TEX11: variants seen among roughly 807,000 people sequenced by gnomAD.
The protein encoded by TEX11 is testis expressed 11.
TEX11 carries 7 observed loss-of-function variants against 84.4 expected under a neutral mutation model. That is an observed-to-expected ratio of 0.08 (90% CI 0.05 to 0.16). TEX11 has a LOEUF of 0.16. TEX11 is among the 10% of genes least tolerant of loss of function. The pLI is 1.00. For missense variants in TEX11, 551 were observed against 660.5 expected, an observed-to-expected ratio of 0.83 and a Z score of 1.82; for synonymous variants, 264 against 222.8, an observed-to-expected ratio of 1.18 and a Z score of -1.64.
chrX:70,755,957 C>T lies in TEX11; in HGVS notation c.693-11738G>A, dbSNP rs1409649769. ...AGGAAGTTCCCTCCCGTGCTTGGCT[C>T]GGCGGGTCCCATGCCCAAGGAGCCT... On this transcript the variant is annotated intron_variant, in intron 9 of 29. Transcript: ENST00000374333. 1.2e-4 allele frequency among the ~76,000 whole-genome samples: 14 copies of T among 112,554 alleles called. No homozygotes were observed. The Admixed American group carries it at 1.3e-3, about 11-fold the overall frequency.
intron 13 of TEX11, among the ~76,000 whole-genome samples, chrX:70,714,475 C>T (rs1335573307): frequency 9.0e-6 from 1 of 111,320 alleles, no homozygotes; most frequent in Non-Finnish European, 1.9e-5. Context: ...TCTGGGTGCT[C>T]CTGTATTGGG....
chrX:70,771,047 C>A (rs1461877309), intron 9 of TEX11, among the ~76,000 whole-genome samples: 1 of 111,844 alleles, frequency 8.9e-6, no homozygotes, highest in Admixed American at 9.5e-5. Context: ...CCTACACAAT[C>A]GTTTACTAAC....
At chrX:70,745,014 T>C (rs770441273) in intron 9 of TEX11, among the ~76,000 whole-genome samples, 1 of 110,033 alleles carries the variant, frequency 9.1e-6, no homozygotes, top group Admixed American at 9.9e-5. Flanking sequence ...TAAGTATAAA[T>C]ATATATTTAA....
chrX:70,833,881 G>T (rs2091390955), intron 7 of TEX11, among the ~76,000 whole-genome samples: 2 of 111,364 alleles, frequency 1.8e-5, no homozygotes, highest in East Asian at 2.8e-4. Flanking sequence ...ATGACATAAT[G>T]CCAGGTCTAC....
intron 9 of TEX11, among the ~76,000 whole-genome samples, chrX:70,744,947 C>T (rs991379287): frequency 2.1e-4 from 23 of 108,198 alleles, no homozygotes; most frequent in South Asian, 4.1e-4. Flanking sequence ...TCTCGAACTC[C>T]GGAGCTCAAG....
chrX:70,645,400 C>T (rs991167726), intron 17 of TEX11, among the ~76,000 whole-genome samples: 7 of 111,159 alleles, frequency 6.3e-5, no homozygotes, highest in Non-Finnish European at 1.1e-4. Flanking sequence ...GACATGGATG[C>T]CCACTCTCAC....
intron 5 of TEX11, among the ~76,000 whole-genome samples, chrX:70,855,102 AAT>A (rs2091528993): frequency 1.8e-5 from 2 of 111,117 alleles, no homozygotes; most frequent in Admixed American, 9.7e-5. Context: ...TGTATATAAA[AAT>A]ATATATAATT....
chrX:70,858,457 A>G (rs1289030288), intron 5 of TEX11, among the ~76,000 whole-genome samples: 1 of 104,505 alleles, frequency 9.6e-6, no homozygotes, highest in African/African-American at 3.5e-5. Context: ...AAAAAAAAAA[A>G]GAAGAAGAAG....
intron 20 of TEX11, among the ~76,000 whole-genome samples, chrX:70,621,304 C>T (rs774816544): frequency 4.8e-5 from 5 of 105,110 alleles, no homozygotes; most frequent in African/African-American, 1.4e-4. Context: ...GGGAGGATCA[C>T]GAGGTCAGGA....
intron 4 of TEX11, among the ~76,000 whole-genome samples, chrX:70,872,513 T>A (rs2091634698): frequency 8.9e-6 from 1 of 112,420 alleles, no homozygotes; most frequent in Non-Finnish European, 1.9e-5. Flanking sequence ...AATGTATCCT[T>A]TATAATTGGC....
chrX:70,640,803 T>C (rs1206987238), intron 17 of TEX11, among the ~76,000 whole-genome samples: 2 of 110,846 alleles, frequency 1.8e-5, no homozygotes, highest in African/African-American at 3.3e-5. Flanking sequence ...GGGTACCAGC[T>C]GCTGCAAAAT....
intron 25 of TEX11, among the ~76,000 whole-genome samples, chrX:70,576,519 A>C (rs776496182): frequency 8.9e-6 from 1 of 112,745 alleles, no homozygotes; most frequent in African/African-American, 3.2e-5. Context: ...TAAAAAGTGA[A>C]AGTCCCTTAA....
At chrX:70,552,447 T>C (rs2088228441) in intron 27 of TEX11, among the ~76,000 whole-genome samples, 1 of 112,166 alleles carries the variant, frequency 8.9e-6, no homozygotes, top group Non-Finnish European at 1.9e-5. Flanking sequence ...TCTTTTTTCA[T>C]GCCTATGGTT....
At chrX:70,642,145 A>G (rs1215671858) in intron 17 of TEX11, among the ~76,000 whole-genome samples, 5 of 112,012 alleles carry the variant, frequency 4.5e-5, no homozygotes, top group African/African-American at 1.3e-4. Flanking sequence ...AAACACCTCT[A>G]TGCAAATAAA....
At chrX:70,603,246 T>G (rs2089151420) in intron 24 of TEX11, among the ~76,000 whole-genome samples, 1 of 90,706 alleles carries the variant, frequency 1.1e-5, no homozygotes, top group Non-Finnish European at 2.2e-5. Flanking sequence ...CATCGCCAAG[T>G]CAATCCTAAG....
chrX:70,609,215 T>A, intron 21 of TEX11, 38 bp from the exon 22 acceptor site: 4 of 1,100,028 alleles, frequency 3.6e-6, no homozygotes, highest in Non-Finnish European at 5.0e-6. Flanking sequence ...GATGGTCTTA[T>A]TTTATACTCT....
At chrX:70,616,687 C>T (rs541413586) in intron 20 of TEX11, among the ~76,000 whole-genome samples, 5 of 111,885 alleles carry the variant, frequency 4.5e-5, no homozygotes, top group Middle Eastern at 4.6e-3. Flanking sequence ...GAGGACTATT[C>T]GGCCATAGAA....
At chrX:70,819,514 G>A (rs1029410152) in intron 8 of TEX11, among the ~76,000 whole-genome samples, 1 of 110,738 alleles carries the variant, frequency 9.0e-6, no homozygotes, top group Non-Finnish European at 1.9e-5. Context: ...TTTCCTCCAC[G>A]ATCTAGTACA....
intron 13 of TEX11, among the ~76,000 whole-genome samples, chrX:70,684,688 T>C (rs2090173360): frequency 8.9e-6 from 1 of 112,212 alleles, no homozygotes; most frequent in Non-Finnish European, 1.9e-5. Context: ...CCTGTGTTCA[T>C]TGATTGAAAG....
Sources: allele counts gnomAD v4.1 joint callset (sites outside exome capture counted in the v4.1 genomes callset), GRCh38; gene constraint gnomAD v4.1.1; transcripts MANE v1.5; gene names NCBI Gene and HGNC (gene_info 2026-07-23, HGNC 2026-07-21).